CASR: variants seen among roughly 807,000 people sequenced by gnomAD.
The protein encoded by CASR is calcium sensing receptor, also known as extracellular calcium-sensing receptor.
In CASR, 23 loss-of-function variants were observed where a neutral mutation model predicts 69.1. The ratio of observed to expected loss-of-function variants is 0.33; its 90% confidence interval spans 0.24 to 0.47. CASR has a LOEUF of 0.47. Among genes scored for constraint, CASR ranks in the 20% least tolerant of loss-of-function variants. The probability of loss-of-function intolerance (pLI) is 1.00; values close to 1 mark genes in which losing one functional copy is unlikely to be tolerated. For missense variants in CASR, 924 were observed against 1,356.1 expected (o/e 0.68, Z 5.00); for synonymous variants, 541 against 544.7 (o/e 0.99, Z 0.10).
At chr3:122,225,374 G>GGA (rs1553763218) in intron 1 of CASR, among the ~76,000 whole-genome samples, 4 of 145,078 alleles carry the variant, frequency 2.8e-5, no homozygotes, top group African/African-American at 1.0e-4. Context: ...AATTGAACAG[G>GGA]AAAAAAAAAG....
chr3:122,211,645 T>C (rs2074067517), intron 1 of CASR, among the ~76,000 whole-genome samples: 1 of 152,044 alleles, frequency 6.6e-6, no homozygotes, highest in African/African-American at 2.4e-5. Context: ...GAGGTGGAGG[T>C]TGCAGTAAGC....
chr3:122,246,981 A>G (rs1465731329), intron 1 of CASR: 1 of 152,240 alleles, frequency 6.6e-6, no homozygotes, highest in Non-Finnish European at 1.5e-5. Context: ...CCTTCTTTCC[A>G]ATAATACCCT....
At chr3:122,208,874 T>C (rs1405798445) in intron 1 of CASR, among the ~76,000 whole-genome samples, 1 of 152,032 alleles carries the variant, frequency 6.6e-6, no homozygotes. Context: ...GTGCACGCCT[T>C]AGATGTAGAT....
chr3:122,206,634 G>A (rs2074009664), intron 1 of CASR, among the ~76,000 whole-genome samples: 1 of 151,920 alleles, frequency 6.6e-6, no homozygotes, highest in Admixed American at 6.6e-5. Context: ...TTTTTTTGAA[G>A]TGTTTGGGTA....
chr3:122,210,895 G>T (rs2074059041), intron 1 of CASR, among the ~76,000 whole-genome samples: 2 of 152,146 alleles, frequency 1.3e-5, no homozygotes, highest in African/African-American at 2.4e-5. Context: ...CAGACACGTA[G>T]ACCAATGGAA....
Position 122,264,866 on chromosome 3 carries a change from T to A in CASR, c.1377+2454T>A, listed in dbSNP as rs191105532. On this transcript the variant is annotated intron_variant, in intron 4 of 6. Transcript: ENST00000639785. ...AAATCAACTAGCAATTATTCATTCATTCTCAATATTAAGATCTATATGGAA... is the reference window on the plus strand; with the variant it reads ...AAATCAACTAGCAATTATTCATTCAATCTCAATATTAAGATCTATATGGAA... 2.0e-5 allele frequency among the ~76,000 whole-genome samples: 3 copies of A among 152,334 alleles called. No homozygotes were observed. In the East Asian group the frequency reaches 5.8e-4, roughly 29 times the overall value.
chr3:122,236,486 G>T (rs2074330321), intron 1 of CASR, among the ~76,000 whole-genome samples: 1 of 152,098 alleles, frequency 6.6e-6, no homozygotes, highest in South Asian at 2.1e-4. Flanking sequence ...TTAGTGGGGA[G>T]GCATAGTTCT....
chr3:122,234,436 C>A (rs954441000), intron 1 of CASR, among the ~76,000 whole-genome samples: 1 of 152,090 alleles, frequency 6.6e-6, no homozygotes, highest in African/African-American at 2.4e-5. Flanking sequence ...GGAATAATAA[C>A]CTTTGCCCAT....
rs555107754 is a variant in CASR, at chr3:122,186,937, G to T, written c.-243+3125G>T. Among the ~76,000 whole-genome samples the T allele has an allele frequency of 2.6e-4, 40 of 152,320 alleles. No homozygotes were observed. In the South Asian group the frequency reaches 6.4e-3, roughly 24 times the overall value. On this transcript the variant is annotated intron_variant, in intron 1 of 6. Transcript: ENST00000639785. ...TTGGCACTTTGGGAAAGAATGCTTT[G>T]TTATCACAGTATCAGTTGCATTGTC...
rs760608351 is a variant in CASR at position 122,284,285 on chromosome 3, C to T, written c.2331C>T (p.Ile777=). 4.3e-6 allele frequency: 7 copies of T among 1,614,014 alleles called. No individual in the cohort carries two copies. Among genetic ancestry groups the T allele is most frequent in the South Asian group, 2.2e-5 (2 of 91,078 alleles). ...CCCTCATGGCCCTGGGCTTCCTGAT[C>T]GGCTACACCTGCCTGCTGGCTGCCA... is the stretch of plus-strand genomic sequence containing the variant. ...EGSLMALGFL[I]GYTCLLAAIC... is the part of the protein sequence containing the mutation. The change falls in exon 7 of 7, where the codon ATC becomes ATT. Residue 777 remains isoleucine (I), a synonymous_variant. Coordinates refer to ENST00000639785, the MANE Select transcript of CASR (RefSeq NM_000388.4).
chr3:122,281,595 A>G (rs1356065734), intron 5 of CASR, among the ~76,000 whole-genome samples: 1 of 152,160 alleles, frequency 6.6e-6, no homozygotes, highest in Non-Finnish European at 1.5e-5. Flanking sequence ...GTTGGATTTC[A>G]TCAAATGCTT....
rs954044322 is a variant in CASR at position 122,257,028 on chromosome 3, A to G, written c.186-53A>G. 5.3e-6 allele frequency: 8 copies of G among 1,510,828 alleles called. No homozygotes were observed. The African/African-American group carries it at 9.6e-5, about 18-fold the overall frequency. 93.6% of individuals were successfully genotyped at this position (1,510,828 alleles called of 1,614,324 possible). A position where few individuals can be genotyped will look rare whatever the true frequency, so the allele number is the denominator to read the frequency against. ...CCCAGCTTTGCCAGGTCTTTACTCT[A>G]AAGTCGTTGACTAGAAAGCTTCCCA... On this transcript the variant is annotated intron_variant, in intron 2 of 6. Coordinates refer to ENST00000639785, the MANE Select transcript of CASR (RefSeq NM_000388.4).
At chr3:122,270,017 TG>T (rs1438906083) in intron 4 of CASR, among the ~76,000 whole-genome samples, 2 of 152,054 alleles carry the variant, frequency 1.3e-5, no homozygotes, top group Non-Finnish European at 2.9e-5. Context: ...AATTTTTGTA[TG>T]TTTAGTAGAG....
rs1220211107 is a variant in CASR at position 122,289,743 on chromosome 3, G to A, written c.*4552G>A. 6.6e-6 allele frequency: 1 copy of A among 152,534 alleles called. No individual in the cohort carries two copies. Among genetic ancestry groups the A allele is most frequent in the Non-Finnish European group, 1.5e-5 (1 of 68,362 alleles). The allele number at this position is 152,534 out of a possible 1,614,324, so 9.4% of individuals were successfully genotyped here. A position where few individuals can be genotyped will look rare whatever the true frequency, so the allele number is the denominator to read the frequency against. The stretch of plus-strand genomic sequence containing the variant: ...CCCCTGACCCCTGGACAAGAGTGGA[G>A]GACACTTGGAGTGGAGACAAGCAGG... On this transcript the variant is annotated 3_prime_UTR_variant, in exon 7 of 7. Transcript: ENST00000639785.
Position 122,248,838 on chromosome 3 carries a change from G to T in CASR, c.-242-5110G>T, listed in dbSNP as rs115618067. ...TTTGGAAGAAAATTGAAATGTGGCA[G>T]TGTTCACTCCTGACGTTGTTTTGCT... On this transcript the variant is annotated intron_variant, in intron 1 of 6. Transcript: ENST00000639785. Among the ~76,000 whole-genome samples, 734 of 152,304 alleles carry T rather than the reference G, an allele frequency of 4.8e-3. 5 individuals carry two copies. Among genetic ancestry groups the T allele is most frequent in the African/African-American group, 0.016 (672 of 41,558 alleles).
At chr3:122,263,311 C>T (rs1035440125) in intron 4 of CASR, among the ~76,000 whole-genome samples, 1 of 152,182 alleles carries the variant, frequency 6.6e-6, no homozygotes, top group Non-Finnish European at 1.5e-5. Context: ...CTTAGGCAAA[C>T]CATGGCTGTA....
intron 1 of CASR, among the ~76,000 whole-genome samples, chr3:122,198,163 C>T (rs908800550): frequency 1.3e-5 from 2 of 152,118 alleles, no homozygotes; most frequent in African/African-American, 2.4e-5. Context: ...CAAGTCGTCT[C>T]CATAAAGAGC....
intron 1 of CASR, among the ~76,000 whole-genome samples, chr3:122,251,454 G>A (rs1965358): frequency 0.67 from 101,626 of 152,036 alleles, 34,277 homozygotes; most frequent in Admixed American, 0.78. Flanking sequence ...AGCTGTGCAC[G>A]TTGACTCAAA....
At position 122,285,754 on chromosome 3, in the gene CASR, C is replaced by A; in HGVS notation, c.*563C>A. The A allele has an allele frequency of 5.9e-6, 1 of 168,734 alleles. No individual in the cohort carries two copies. Among genetic ancestry groups the A allele is most frequent in the Non-Finnish European group, 1.3e-5 (1 of 75,898 alleles). The allele number at this position is 168,734 out of a possible 1,614,324, so 10.5% of individuals were successfully genotyped here. On this transcript the variant is annotated 3_prime_UTR_variant, in exon 7 of 7. Coordinates refer to ENST00000639785, the MANE Select transcript of CASR (RefSeq NM_000388.4). ...CCAGAAGGTTTGCACCCCTCCTATA[C>A]CATATGTCTGCTTCTGTCCAGGACA... is the stretch of plus-strand genomic sequence containing the variant.
Sources: gnomAD v4.1 joint callset for allele counts (sites outside exome capture counted in the v4.1 genomes callset) on GRCh38, gnomAD v4.1.1 for gene constraint, MANE v1.5 for transcripts, NCBI Gene and HGNC (gene_info 2026-07-23, HGNC 2026-07-21) for gene names.